ZNF362: variants seen among roughly 807,000 people sequenced by gnomAD.
ZNF362 encodes rotund homolog.
Under a neutral mutation model 42.9 loss-of-function variants are expected in ZNF362, and 11 were observed. The observed-to-expected ratio is 0.26, with a 90% CI of 0.16 to 0.42. The LOEUF is 0.42. Among genes scored for constraint, ZNF362 ranks in the 20% least tolerant of loss-of-function variants. The pLI is 1.00. For synonymous variants in ZNF362, 255 were observed against 257.3 expected, an observed-to-expected ratio of 0.99 and a Z score of 0.09; for missense variants, 362 against 576.2, an observed-to-expected ratio of 0.63 and a Z score of 3.81.
the ZNF362 span, chr1:33,164,323 A>G: frequency 2.6e-5 from 4 of 152,260 alleles, no homozygotes; most frequent in African/African-American, 7.2e-5. Context: ...GGCCCAGCGC[A>G]TTCCTAAGGC....
At chr1:33,229,908 A>C in the ZNF362 span, among the ~76,000 whole-genome samples, 1 of 152,168 alleles carries the variant, frequency 6.6e-6, no homozygotes, top group African/African-American at 2.4e-5. Context: ...AAAGTAATAC[A>C]TGTTGCTAAT....
At chr1:33,209,933 C>A in the ZNF362 span, among the ~76,000 whole-genome samples, 2 of 151,846 alleles carry the variant, frequency 1.3e-5, no homozygotes, top group East Asian at 3.9e-4. Context: ...TCCTTCAGTT[C>A]TGCTCTGATC....
the ZNF362 span, chr1:33,147,672 C>A: frequency 4.0e-5 from 65 of 1,613,836 alleles, no homozygotes; most frequent in South Asian, 6.8e-4. The surrounding 1 kb of genome is among the most constrained non-coding windows in gnomAD (Gnocchi z 8.1). Context: ...TGCAGTCGTC[C>A]GACAGGATCA....
At chr1:33,275,055 T>G in intron 2 of ZNF362, 3 of 985,406 alleles carry the variant, frequency 3.0e-6, no homozygotes, top group Non-Finnish European at 3.6e-6. Context: ...TTCATTTTGG[T>G]CTTTCCTGTC....
At chr1:33,240,447 A>C in the ZNF362 span, among the ~76,000 whole-genome samples, 2 of 152,228 alleles carry the variant, frequency 1.3e-5, no homozygotes, top group African/African-American at 4.8e-5. Context: ...TTTAGATATA[A>C]TTATATATTC....
chr1:33,163,626 C>T, the ZNF362 span: 1 of 152,296 alleles, frequency 6.6e-6, no homozygotes, highest in Admixed American at 6.5e-5. Flanking sequence ...TTGGAACACC[C>T]TAGGGCCTGG....
the ZNF362 span, among the ~76,000 whole-genome samples, chr1:33,221,475 G>C: frequency 2.6e-3 from 395 of 152,306 alleles, 5 homozygotes; most frequent in East Asian, 0.057. Context: ...TACCCACAGG[G>C]TTGCTGCCGT....
chr1:33,204,703 C>T, the ZNF362 span, among the ~76,000 whole-genome samples: 2 of 152,294 alleles, frequency 1.3e-5, no homozygotes, highest in Admixed American at 1.3e-4. Flanking sequence ...AGACTGAATG[C>T]TTTCCTCTAA....
rs565638296 is a variant in ZNF362, at chr1:33,280,460, G to A, written c.683+3G>A. 3.2e-6 allele frequency: 5 copies of A among 1,570,772 alleles called. No individual in the cohort carries two copies. In the East Asian group the frequency reaches 1.2e-4, roughly 37 times the overall value. On this transcript the variant is annotated splice_donor_region_variant and intron_variant, in intron 5 of 8. Coordinates refer to ENST00000539719, the MANE Select transcript of ZNF362 (RefSeq NM_152493.3). This position sits in a 1 kb window ranked among gnomAD's most constrained non-coding sequence, Gnocchi z 5.6. ...GCCAAGGAGGGCAAGACGTACAGGT[G>A]GGGGTCTTGGCGGGATGGGGTCCGA...
chr1:33,250,516 T>A, the ZNF362 span, among the ~76,000 whole-genome samples: 1 of 152,170 alleles, frequency 6.6e-6, no homozygotes, highest in African/African-American at 2.4e-5. Context: ...TGTTCTCACT[T>A]GTAAGTGGGA....
the ZNF362 span, among the ~76,000 whole-genome samples, chr1:33,139,413 C>T: frequency 6.6e-6 from 1 of 152,214 alleles, no homozygotes; most frequent in South Asian, 2.1e-4. Context: ...TTGAGATGCT[C>T]ATGCCTAGTG....
chr1:33,274,430 T>TC (rs1409493212), intron 2 of ZNF362, among the ~76,000 whole-genome samples: 2 of 152,202 alleles, frequency 1.3e-5, no homozygotes, highest in East Asian at 3.8e-4. Flanking sequence ...GTTTCGAGTT[T>TC]GTTCTGGGAA....
intron 4 of ZNF362, 64 bp downstream of exon 4, chr1:33,276,658 G>T: frequency 1.6e-6 from 2 of 1,290,034 alleles, no homozygotes; most frequent in Non-Finnish European, 2.0e-6. Context: ...CGGGCGTAGC[G>T]GGGGACTTGG....
the ZNF362 span, among the ~76,000 whole-genome samples, chr1:33,238,339 A>AAAATAAAATAAAATG: frequency 3.1e-5 from 3 of 95,916 alleles, no homozygotes; most frequent in African/African-American, 1.0e-4. Context: ...AAAATAAAAT[A>AAAATAAAATAAAATG]AAATAAAATA....
chr1:33,180,988 G>A, the ZNF362 span: 3 of 646,256 alleles, frequency 4.6e-6, no homozygotes, highest in African/African-American at 8.4e-5. Context: ...CCTCCAGCCC[G>A]GCCCCGCCCC....
At chr1:33,182,403 G>A in the ZNF362 span, among the ~76,000 whole-genome samples, 2 of 152,248 alleles carry the variant, frequency 1.3e-5, no homozygotes, top group African/African-American at 4.8e-5. Flanking sequence ...TACAACTTCT[G>A]CATAAAATAT....
the ZNF362 span, among the ~76,000 whole-genome samples, chr1:33,161,868 C>T: frequency 8.4e-4 from 128 of 152,312 alleles, no homozygotes; most frequent in African/African-American, 2.2e-3. This position sits in a 1 kb window ranked among gnomAD's most constrained non-coding sequence, Gnocchi z 4.3. Context: ...ACTGCTGCCT[C>T]TCTGCCTCCC....
intron 2 of ZNF362, among the ~76,000 whole-genome samples, chr1:33,272,856 A>G (rs1354002448): frequency 1.3e-5 from 2 of 152,162 alleles, no homozygotes; most frequent in Non-Finnish European, 1.5e-5. Flanking sequence ...GGTGCTGTTC[A>G]CTGTCCCAAG....
the ZNF362 span, chr1:33,158,459 A>C: frequency 1.0e-6 from 1 of 989,432 alleles, no homozygotes; most frequent in Non-Finnish European, 1.6e-6. Context: ...GGCAGCTGGC[A>C]TAGGATGTGG....
Sources: gnomAD v4.1 joint callset for allele counts (sites outside exome capture counted in the v4.1 genomes callset) on GRCh38, gnomAD v4.1.1 for gene constraint, Gnocchi (gnomAD v3.1) non-coding constraint, MANE v1.5 for transcripts, NCBI Gene and HGNC (gene_info 2026-07-23, HGNC 2026-07-21) for gene names.